Variants in MAF observed in about 807,000 individuals in gnomAD.
MAF encodes the protein MAF bZIP transcription factor.
A neutral mutation model predicts 22.0 loss-of-function variants in MAF; 10 were observed. That is an observed-to-expected ratio of 0.45 (90% CI 0.28 to 0.77). The LOEUF (loss-of-function observed/expected upper bound fraction) is 0.77, where lower values mean the gene tolerates loss of function less well. Ranked by LOEUF, MAF falls within the 30% of genes least tolerant of loss-of-function variation. MAF has a pLI of 0.12. For synonymous variants in MAF, 337 were observed against 255.8 expected, an observed-to-expected ratio of 1.32 and a Z score of -3.03; for missense variants, 544 against 548.4, an observed-to-expected ratio of 0.99 and a Z score of 0.08.
the MAF span, among the ~76,000 whole-genome samples, chr16:79,475,593 G>T: frequency 6.6e-6 from 1 of 152,088 alleles, no homozygotes; most frequent in East Asian, 1.9e-4. Context: ...AGAATTTCCT[G>T]GGGGAGATGG....
the MAF span, among the ~76,000 whole-genome samples, chr16:79,272,534 C>A: frequency 6.6e-6 from 1 of 152,218 alleles, no homozygotes; most frequent in Non-Finnish European, 1.5e-5. Flanking sequence ...CCGCTCCATG[C>A]GGATGCCCTA....
chr16:79,529,103 A>T, the MAF span, among the ~76,000 whole-genome samples: 2 of 152,192 alleles, frequency 1.3e-5, no homozygotes, highest in African/African-American at 4.8e-5. Flanking sequence ...AAACTACTGC[A>T]GGACTGATTG....
the MAF span, among the ~76,000 whole-genome samples, chr16:79,514,729 G>A: frequency 0.084 from 12,801 of 152,190 alleles, 1,605 homozygotes; most frequent in African/African-American, 0.27. Context: ...GGAGGCTGTC[G>A]TAGGCGGCCT....
the MAF span, among the ~76,000 whole-genome samples, chr16:79,413,035 A>G: frequency 6.6e-6 from 1 of 152,090 alleles, no homozygotes; most frequent in Admixed American, 6.5e-5. Flanking sequence ...TAAGTAGAGA[A>G]AAAAATATTC....
the MAF span, among the ~76,000 whole-genome samples, chr16:79,271,283 G>A: frequency 6.7e-6 from 1 of 148,656 alleles, no homozygotes. Flanking sequence ...TTACAGATAG[G>A]AGAGTACACA....
chr16:79,484,547 G>A, the MAF span, among the ~76,000 whole-genome samples: 602 of 152,330 alleles, frequency 4.0e-3, 4 homozygotes, highest in African/African-American at 0.014. Context: ...TGGGAGGGAA[G>A]GGCTCAGCCC....
the MAF span, among the ~76,000 whole-genome samples, chr16:79,285,919 G>A: frequency 6.6e-6 from 1 of 152,198 alleles, no homozygotes; most frequent in African/African-American, 2.4e-5. Flanking sequence ...CTGAGCCAAA[G>A]GGGCACCATC....
At chr16:79,226,301 TTC>T in the MAF span, among the ~76,000 whole-genome samples, 1 of 152,116 alleles carries the variant, frequency 6.6e-6, no homozygotes, top group East Asian at 1.9e-4. Flanking sequence ...ACACTGTACG[TTC>T]TGACTCATAA....
chr16:79,371,720 C>T, the MAF span, among the ~76,000 whole-genome samples: 1 of 152,230 alleles, frequency 6.6e-6, no homozygotes, highest in Non-Finnish European at 1.5e-5. Flanking sequence ...TTGCTAACTA[C>T]CCCAGCAGCA....
chr16:79,509,553 G>A, the MAF span, among the ~76,000 whole-genome samples: 3 of 152,188 alleles, frequency 2.0e-5, no homozygotes, highest in Non-Finnish European at 2.9e-5. Flanking sequence ...GACCTCTCCC[G>A]CCTCCCACCC....
the MAF span, among the ~76,000 whole-genome samples, chr16:79,521,453 T>G: frequency 5.9e-5 from 9 of 152,220 alleles, no homozygotes; most frequent in African/African-American, 2.2e-4. Context: ...CAGCCCACCA[T>G]TAATCCTCAG....
At chr16:79,409,025 GGGGT>G in the MAF span, among the ~76,000 whole-genome samples, 1 of 150,870 alleles carries the variant, frequency 6.6e-6, no homozygotes, top group Admixed American at 6.6e-5. Flanking sequence ...CCTACCATAA[GGGGT>G]GGGTGGGTGG....
the MAF span, among the ~76,000 whole-genome samples, chr16:79,246,077 G>A: frequency 6.6e-6 from 1 of 152,094 alleles, no homozygotes; most frequent in Non-Finnish European, 1.5e-5. Flanking sequence ...GGTTAGCGGA[G>A]GGATAGCATT....
chr16:79,202,828 A>T, the MAF span: 1 of 152,230 alleles, frequency 6.6e-6, no homozygotes, highest in Non-Finnish European at 1.5e-5. Context: ...TACAGTCTAC[A>T]TAGGGGAAGA....
chr16:79,588,511 T>C (rs922849489), intron 1 of MAF, among the ~76,000 whole-genome samples: 7 of 152,282 alleles, frequency 4.6e-5, no homozygotes, highest in Middle Eastern at 3.4e-3. Context: ...CTGGGCTTAC[T>C]GCAACCTCCG....
the MAF span, among the ~76,000 whole-genome samples, chr16:79,536,663 T>C: frequency 1.3e-5 from 2 of 152,190 alleles, no homozygotes; most frequent in East Asian, 1.9e-4. Context: ...AAAGAAAATA[T>C]TGAGAAAAAA....
downstream of MAF, among the ~76,000 whole-genome samples, chr16:79,590,368 G>C (rs1913122163): frequency 6.6e-6 from 1 of 152,170 alleles, no homozygotes; most frequent in Non-Finnish European, 1.5e-5. Flanking sequence ...TGAGCTTCCA[G>C]TGATGCTCCC....
chr16:79,543,348 G>A, the MAF span, among the ~76,000 whole-genome samples: 6 of 152,336 alleles, frequency 3.9e-5, no homozygotes, highest in Non-Finnish European at 7.3e-5. Flanking sequence ...CCCTGGTCAA[G>A]TGCCTCCTTC....
At chr16:79,590,604 C>G (rs553427762), downstream of MAF, among the ~76,000 whole-genome samples, 2 of 152,152 alleles carry the variant, frequency 1.3e-5, no homozygotes, top group African/African-American at 4.8e-5. Context: ...GACCCTGGTG[C>G]TAAGGACGTC....
Sources: allele counts gnomAD v4.1 joint callset (sites outside exome capture counted in the v4.1 genomes callset), GRCh38; gene constraint gnomAD v4.1.1; transcripts MANE v1.5; gene names NCBI Gene and HGNC (gene_info 2026-07-23, HGNC 2026-07-21).